Variants in ERO1B observed in about 807,000 individuals in gnomAD.
ERO1B encodes ERO1-like protein beta.
Under a neutral mutation model 75.3 loss-of-function variants are expected in ERO1B, and 49 were observed. The ratio of observed to expected loss-of-function variants is 0.65; its 90% CI spans 0.52 to 0.83. The LOEUF (loss-of-function observed/expected upper bound fraction) is 0.83, where lower values mean the gene tolerates loss of function less well. Among genes scored for constraint, ERO1B ranks in the 40% least tolerant of loss-of-function variants. The pLI, the probability that ERO1B is intolerant of heterozygous loss-of-function variation, is 0.00. For synonymous variants in ERO1B, 191 were observed against 192.9 expected (o/e 0.99, Z 0.08); for missense variants, 512 against 560.1 (o/e 0.91, Z 0.87).
intron 6 of ERO1B, among the ~76,000 whole-genome samples, chr1:236,240,836 A>G (rs1471381464): frequency 6.6e-6 from 1 of 152,154 alleles, no homozygotes; most frequent in Non-Finnish European, 1.5e-5. Flanking sequence ...GACAGTTGTT[A>G]GTGCTTGGGC....
At position 236,215,548 on chromosome 1, in the gene ERO1B, G is replaced by C. The variant is rs1484963555; in HGVS notation, c.*2968C>G. 1 of 152,152 alleles carries C rather than the reference G, an allele frequency of 6.6e-6. No homozygotes were observed. Among genetic ancestry groups the C allele is most frequent in the Non-Finnish European group, 1.5e-5 (1 of 68,022 alleles). The allele number at this position is 152,152 out of a possible 1,614,324, so 9.4% of individuals were successfully genotyped here. A position where few individuals can be genotyped will look rare whatever the true frequency, so the allele number is the denominator to read the frequency against. On this transcript the variant is annotated 3_prime_UTR_variant, in exon 16 of 16. Transcript: ENST00000354619. ...TAAAATAGCGGGGAAAAACAAGACA[G>C]AAAAGATTGCAGAAACATGTACTTT... is the stretch of plus-strand genomic sequence containing the variant.
Position 236,278,339 on chromosome 1 carries a change from T to C in ERO1B, c.102+3343A>G, listed in dbSNP as rs912778944. 2.0e-5 allele frequency among the ~76,000 whole-genome samples: 3 copies of C among 152,016 alleles called. No individual in the cohort carries two copies. The South Asian group carries it at 6.3e-4, about 32-fold the overall frequency. ...TACTTAGAATGGGTTTCATTTCTCGTTTACCCTTATACTGAGGATGTAATT... is the reference window on the plus strand; with the variant it reads ...TACTTAGAATGGGTTTCATTTCTCGCTTACCCTTATACTGAGGATGTAATT... On this transcript the variant is annotated intron_variant, in intron 1 of 15. Coordinates refer to ENST00000354619, the MANE Select transcript of ERO1B (RefSeq NM_019891.4).
At chr1:236,224,405 C>T (rs969989264) in intron 13 of ERO1B, among the ~76,000 whole-genome samples, 2 of 151,130 alleles carry the variant, frequency 1.3e-5, no homozygotes, top group Middle Eastern at 6.8e-3. Context: ...AGCTCAGGGC[C>T]AGGAGTTTGA....
intron 2 of ERO1B, among the ~76,000 whole-genome samples, chr1:236,266,132 TCCATAGTA>T (rs1157855820): frequency 6.6e-6 from 1 of 152,186 alleles, no homozygotes; most frequent in African/African-American, 2.4e-5. Flanking sequence ...CACTACTGTA[TCCATAGTA>T]CCTGACACAA....
At chr1:236,220,517 C>T in intron 15 of ERO1B, 1 of 177,834 alleles carries the variant, frequency 5.6e-6, no homozygotes, top group Non-Finnish European at 1.2e-5. Context: ...ATCACCTTCT[C>T]AATCACACAT....
rs1215507241 is a variant in ERO1B, at chr1:236,245,568, ATATATATATATAT to A, written c.432-2086_432-2074del. Among the ~76,000 whole-genome samples, 4 of 4,434 alleles carry A rather than the reference ATATATATATATAT, an allele frequency of 9.0e-4. 1 individual carries two copies. Among genetic ancestry groups the A allele is most frequent in the African/African-American group, 1.0e-3 (2 of 1,992 alleles). The allele number at this position is 4,434 out of a possible 152,430, so 2.9% of individuals were successfully genotyped here. ...TGTATGTGTGTGTATATATATATAT[ATATATATATATAT>A]TTTTTTTTTTTTTTTTTTTTTTGAG... On this transcript the variant is annotated intron_variant, in intron 5 of 15. Coordinates refer to ENST00000354619, the MANE Select transcript of ERO1B (RefSeq NM_019891.4).
intron 1 of ERO1B, 162 bp downstream of exon 1, chr1:236,281,520 C>G: frequency 2.2e-6 from 1 of 448,192 alleles, no homozygotes; most frequent in Non-Finnish European, 3.7e-6. Context: ...GTTTCCCGCA[C>G]TGGACGGTCA....
intron 5 of ERO1B, among the ~76,000 whole-genome samples, chr1:236,247,033 T>C (rs1486253615): frequency 6.6e-6 from 1 of 152,068 alleles, no homozygotes; most frequent in African/African-American, 2.4e-5. Context: ...TCCAACCCAA[T>C]GGAGAAAAAA....
At chr1:236,242,362 T>C (rs1664731535) in intron 6 of ERO1B, among the ~76,000 whole-genome samples, 1 of 150,086 alleles carries the variant, frequency 6.7e-6, no homozygotes, top group Non-Finnish European at 1.5e-5. Flanking sequence ...AGAGGTTCAA[T>C]GGCTTGCTTT....
At chr1:236,264,319 G>C (rs1665368198) in intron 2 of ERO1B, among the ~76,000 whole-genome samples, 1 of 152,006 alleles carries the variant, frequency 6.6e-6, no homozygotes. Context: ...ATGTTGACCA[G>C]ACTAGTCTCG....
chr1:236,242,189 G>C (rs947553441), intron 6 of ERO1B, among the ~76,000 whole-genome samples: 1 of 152,008 alleles, frequency 6.6e-6, no homozygotes, highest in Admixed American at 6.6e-5. Context: ...TTTACCATAA[G>C]AGTAATATAT....
intron 1 of ERO1B, among the ~76,000 whole-genome samples, chr1:236,277,423 GA>G (rs1244774394): frequency 2.4e-4 from 35 of 148,340 alleles, no homozygotes; most frequent in Admixed American, 6.0e-4. Flanking sequence ...AAAAAAAAAA[GA>G]ATGGACTAAT....
chr1:236,280,879 T>C (rs1665815039), intron 1 of ERO1B, among the ~76,000 whole-genome samples: 1 of 152,144 alleles, frequency 6.6e-6, no homozygotes. Context: ...CAATTCAAAT[T>C]CTACTGAATA....
chr1:236,230,342 T>C, intron 9 of ERO1B, 92 bp from the exon 10 acceptor site: 1 of 1,130,308 alleles, frequency 8.8e-7, no homozygotes, highest in Non-Finnish European at 1.3e-6. Context: ...CAGGGCATGG[T>C]GGCTCATGCC....
intron 6 of ERO1B, among the ~76,000 whole-genome samples, chr1:236,238,614 ATAGTTT>A (rs1314409093): frequency 1.3e-5 from 2 of 150,054 alleles, no homozygotes; most frequent in African/African-American, 2.4e-5. Context: ...TCTAAGTTGT[ATAGTTT>A]TAATCTCCAT....
chr1:236,251,011 GAAC>G (rs1665013549), intron 4 of ERO1B, among the ~76,000 whole-genome samples: 1 of 151,944 alleles, frequency 6.6e-6, no homozygotes, highest in Non-Finnish European at 1.5e-5. Context: ...CAAAAATTGG[GAAC>G]AACTGAAATG....
At chr1:236,219,598 T>TA (rs1391900819) in intron 15 of ERO1B, among the ~76,000 whole-genome samples, 1 of 152,210 alleles carries the variant, frequency 6.6e-6, no homozygotes, top group Non-Finnish European at 1.5e-5. Flanking sequence ...ACAGGCCTCA[T>TA]AAGTGGATGG....
chr1:236,246,394 ACTC>A (rs2102953101), intron 5 of ERO1B, among the ~76,000 whole-genome samples: 1 of 151,412 alleles, frequency 6.6e-6, no homozygotes, highest in East Asian at 1.9e-4. Flanking sequence ...CTGATTTTGA[ACTC>A]CTGGCTTCAA....
intron 5 of ERO1B, among the ~76,000 whole-genome samples, chr1:236,249,523 T>G (rs1272794925): frequency 6.6e-6 from 1 of 152,204 alleles, no homozygotes; most frequent in East Asian, 1.9e-4. Context: ...CTAATAACTT[T>G]TATCATTCAA....
Sources: gnomAD v4.1 joint callset for allele counts (sites outside exome capture counted in the v4.1 genomes callset) on GRCh38, gnomAD v4.1.1 for gene constraint, MANE v1.5 for transcripts, NCBI Gene and HGNC (gene_info 2026-07-23, HGNC 2026-07-21) for gene names.